ERCC6: variants seen among roughly 807,000 people sequenced by gnomAD.
ERCC6 encodes the protein DNA excision repair protein ERCC-6.
Under a neutral mutation model 158.7 loss-of-function variants are expected in ERCC6, and 116 were observed. The ratio of observed to expected loss-of-function variants is 0.73; its 90% CI spans 0.63 to 0.85. The LOEUF is 0.85. Ranked by LOEUF, ERCC6 falls within the 40% of genes least tolerant of loss-of-function variation. The pLI is 0.00. For missense variants in ERCC6, 1,698 were observed against 1,799.4 expected, an observed-to-expected ratio of 0.94 and a Z score of 1.02; for synonymous variants, 678 against 659.3, an observed-to-expected ratio of 1.03 and a Z score of -0.43.
At chr10:49,508,042 TGAGA>T (rs1280393158) in intron 5 of ERCC6, among the ~76,000 whole-genome samples, 1 of 152,172 alleles carries the variant, frequency 6.6e-6, no homozygotes, top group Non-Finnish European at 1.5e-5. Context: ...GTTTACATAA[TGAGA>T]GAGTCCTCGG....
intron 19 of ERCC6, among the ~76,000 whole-genome samples, chr10:49,460,877 A>T (rs994826917): frequency 3.3e-5 from 5 of 152,190 alleles, no homozygotes; most frequent in South Asian, 2.1e-4. Flanking sequence ...CGAAAGGGCG[A>T]GACTCCATCT....
chr10:49,533,353 T>C (rs776162838), intron 1 of ERCC6, among the ~76,000 whole-genome samples: 1 of 152,214 alleles, frequency 6.6e-6, no homozygotes, highest in African/African-American at 2.4e-5. Flanking sequence ...AAATGATTTA[T>C]AATATAGTGG....
chr10:49,538,450 G>A (rs1837654339), intron 1 of ERCC6, among the ~76,000 whole-genome samples: 1 of 152,122 alleles, frequency 6.6e-6, no homozygotes, highest in Non-Finnish European at 1.5e-5. Context: ...GAAGATGATG[G>A]GAAAAGTTGA....
chr10:49,502,165 G>A (rs1348507809), intron 6 of ERCC6: 1 of 152,024 alleles, frequency 6.6e-6, no homozygotes, highest in African/African-American at 2.4e-5. Context: ...TCTCCTCTCA[G>A]TAAATACGTC....
At chr10:49,509,159 G>A (rs1396327697) in intron 5 of ERCC6, among the ~76,000 whole-genome samples, 3 of 152,130 alleles carry the variant, frequency 2.0e-5, no homozygotes, top group Non-Finnish European at 2.9e-5. Context: ...CTGAGATGGG[G>A]AGAACAGCAG....
the ERCC6 span, among the ~76,000 whole-genome samples, chr10:49,435,135 A>C: frequency 2.0e-5 from 3 of 152,224 alleles, no homozygotes; most frequent in Non-Finnish European, 4.4e-5. Context: ...CATATATGAC[A>C]ATGAAAATTC....
chr10:49,473,034 G>C lies in ERCC6; in HGVS notation c.2710-6C>G. ...AACACAAATATGGATGTGTCCTAGA[G>C]GTAAGACACACAACACTGAGCACAC... On this transcript the variant is annotated splice_region_variant and splice_polypyrimidine_tract_variant and intron_variant, in intron 14 of 20. Transcript: ENST00000355832. 6.2e-7 allele frequency: 1 copy of C among 1,614,028 alleles called. No individual in the cohort carries two copies. Among genetic ancestry groups the C allele is most frequent in the African/African-American group, 1.3e-5 (1 of 74,994 alleles).
chr10:49,490,367 T>TC (rs1851151944), intron 8 of ERCC6, among the ~76,000 whole-genome samples: 1 of 151,434 alleles, frequency 6.6e-6, no homozygotes, highest in South Asian at 2.1e-4. Flanking sequence ...CTTTTTTTTT[T>TC]TTTTTGAGAC....
chr10:49,538,078 T>C (rs1026521720), intron 1 of ERCC6, among the ~76,000 whole-genome samples: 2 of 152,202 alleles, frequency 1.3e-5, no homozygotes, highest in Non-Finnish European at 2.9e-5. Context: ...TTTTTAACTT[T>C]GAGTTAAGAA....
chr10:49,451,554 T>C (rs997264667), downstream of ERCC6, among the ~76,000 whole-genome samples: 1 of 152,188 alleles, frequency 6.6e-6, no homozygotes, highest in African/African-American at 2.4e-5. Context: ...TTTATTATAT[T>C]GATATAATGT....
At chr10:49,488,501 G>C (rs1327216710) in intron 8 of ERCC6, 1 of 152,152 alleles carries the variant, frequency 6.6e-6, no homozygotes, top group Non-Finnish European at 1.5e-5. Flanking sequence ...AACAAGCCCA[G>C]CATCTATCAT....
intron 12 of ERCC6, among the ~76,000 whole-genome samples, chr10:49,474,845 C>G (rs763245675): frequency 9.9e-5 from 15 of 152,030 alleles, no homozygotes; most frequent in Non-Finnish European, 2.2e-4. Flanking sequence ...GGTGAGTGCC[C>G]CGGCCCATCC....
intron 5 of ERCC6, among the ~76,000 whole-genome samples, chr10:49,510,857 T>C (rs1851521033): frequency 6.6e-6 from 1 of 151,992 alleles, no homozygotes; most frequent in South Asian, 2.1e-4. Flanking sequence ...GCCTACCTCT[T>C]GCTGCATTTC....
rs575722996 is a variant in ERCC6, at chr10:49,532,412, T to C, written c.422+131A>G. ...AAGATGAGGTTGAGGACTGCCCTTA[T>C]TGACTCTGTCCTCCAAATAAAAGGT... On this transcript the variant is annotated intron_variant, in intron 2 of 20. Coordinates refer to ENST00000355832, the MANE Select transcript of ERCC6 (RefSeq NM_000124.4). 4.9e-6 allele frequency: 7 copies of C among 1,433,412 alleles called. No homozygotes were observed. The Admixed American group carries it at 9.8e-5, about 20-fold the overall frequency. The allele number at this position is 1,433,412 out of a possible 1,614,324, so 88.8% of individuals were successfully genotyped here.
chr10:49,511,844 GC>G (rs1203516584), intron 5 of ERCC6, among the ~76,000 whole-genome samples: 1 of 152,120 alleles, frequency 6.6e-6, no homozygotes, highest in African/African-American at 2.4e-5. Flanking sequence ...CCGAATGTAG[GC>G]AAAAGAGGTG....
chr10:49,501,005 CTTA>C, intron 6 of ERCC6: 1 of 287,980 alleles, frequency 3.5e-6, no homozygotes, highest in Non-Finnish European at 6.6e-6. Flanking sequence ...CAAGCATAAA[CTTA>C]CTATTTTTTA....
In ERCC6 at chr10:49,473,000, G is replaced by A. The variant is rs780557032; in HGVS notation, c.2738C>T (p.Thr913Ile). 1.2e-6 allele frequency: 2 copies of A among 1,614,122 alleles called. No individual in the cohort carries two copies. Among genetic ancestry groups the A allele is most frequent in the South Asian group, 1.1e-5 (1 of 91,072 alleles). The change falls in exon 15 of 21, where the codon ACC becomes ATC. Residue 913 changes from threonine to isoleucine, a missense_variant. Coordinates refer to ENST00000355832, the MANE Select transcript of ERCC6 (RefSeq NM_000124.4). ...EDTSIFVFLL[T>I]TRVGGLGVNL... ...GACACCTAAGCCGCCCACCCGCGTGGTCAGAAGAAACACAAATATGGATGT... is the reference window on the plus strand; with the variant it reads ...GACACCTAAGCCGCCCACCCGCGTGATCAGAAGAAACACAAATATGGATGT...
chr10:49,445,687 G>A, the ERCC6 span, among the ~76,000 whole-genome samples: 3 of 152,174 alleles, frequency 2.0e-5, no homozygotes, highest in East Asian at 1.9e-4. Context: ...ACAAAAATCC[G>A]TTTAACGACA....
chr10:49,523,741 C>A (rs900044850), intron 5 of ERCC6, among the ~76,000 whole-genome samples: 1 of 152,102 alleles, frequency 6.6e-6, no homozygotes, highest in African/African-American at 2.4e-5. Flanking sequence ...GGCGACACAG[C>A]TCACACTCAG....
Sources: allele counts gnomAD v4.1 joint callset (sites outside exome capture counted in the v4.1 genomes callset), GRCh38; gene constraint gnomAD v4.1.1; transcripts MANE v1.5; gene names NCBI Gene and HGNC (gene_info 2026-07-23, HGNC 2026-07-21).